DAB2IP: variants seen among roughly 807,000 people sequenced by gnomAD.
The protein encoded by DAB2IP is DAB2 interacting protein.
Under a neutral mutation model 107.2 loss-of-function variants are expected in DAB2IP, and 28 were observed. That is an observed-to-expected ratio of 0.26 (90% confidence interval 0.19 to 0.36). DAB2IP has a LOEUF of 0.36. Among genes scored for constraint, DAB2IP ranks in the 10% least tolerant of loss-of-function variants. DAB2IP has a pLI of 1.00. For missense variants in DAB2IP, 1,400 were observed against 1,644.7 expected (o/e 0.85, Z 2.57); for synonymous variants, 755 against 706.4 (o/e 1.07, Z -1.09).
chr9:121,609,516 TC>T (rs1564698586), intron 1 of DAB2IP, among the ~76,000 whole-genome samples: 1 of 152,196 alleles, frequency 6.6e-6, no homozygotes, highest in Admixed American at 6.5e-5. Flanking sequence ...CACTGATTGT[TC>T]CAGCAACACT....
At chr9:121,773,304 C>T in exon 12 of DAB2IP, 1 of 1,516,782 alleles carries the variant, frequency 6.6e-7, no homozygotes. Flanking sequence ...CCCACCCCCG[C>T]CGCCACCTCC....
At chr9:121,676,635 G>GCACACACACACA (rs35324441) in intron 1 of DAB2IP, among the ~76,000 whole-genome samples, 8,825 of 150,486 alleles carry the variant, frequency 0.059, 325 homozygotes, top group African/African-American at 0.1. Flanking sequence ...TTCTGCAGAC[G>GCACACACACACA]CACACACACA....
intron 8 of DAB2IP, 141 bp from the exon 9 acceptor site, chr9:121,766,353 T>C: frequency 2.7e-6 from 2 of 732,708 alleles, no homozygotes; most frequent in Non-Finnish European, 4.5e-6. Flanking sequence ...GATGGCTGTG[T>C]CCTCAGAGCT....
intron 3 of DAB2IP, among the ~76,000 whole-genome samples, chr9:121,755,498 A>G (rs1374046405): frequency 6.6e-6 from 1 of 152,164 alleles, no homozygotes; most frequent in Non-Finnish European, 1.5e-5. Flanking sequence ...GTGGAGAGGC[A>G]GAGGGAGCCG....
intron 1 of DAB2IP, among the ~76,000 whole-genome samples, chr9:121,641,860 C>T (rs1031606490): frequency 1.4e-5 from 2 of 144,338 alleles, no homozygotes; most frequent in Admixed American, 6.9e-5. Flanking sequence ...TTCTTTCTTT[C>T]TTTTCTTTCT....
intron 3 of DAB2IP, chr9:121,742,991 T>TG (rs890549678): frequency 1.0e-6 from 1 of 985,354 alleles, no homozygotes. Context: ...GTGGAGCAGT[T>TG]GGGGCCTGTG....
intron 3 of DAB2IP, among the ~76,000 whole-genome samples, chr9:121,744,451 CAG>C (rs1180506397): frequency 1.3e-5 from 2 of 152,228 alleles, no homozygotes; most frequent in Non-Finnish European, 2.9e-5. Flanking sequence ...AGCCAAGTCT[CAG>C]TGCAGGTTGG....
At chr9:121,676,638 C>CACACACACACACACACAT (rs1200910985) in intron 1 of DAB2IP, among the ~76,000 whole-genome samples, 1 of 150,792 alleles carries the variant, frequency 6.6e-6, no homozygotes, top group Non-Finnish European at 1.5e-5. Flanking sequence ...TGCAGACGCA[C>CACACACACACACACACAT]ACACACACAC....
intron 1 of DAB2IP, among the ~76,000 whole-genome samples, chr9:121,611,796 G>C (rs182857918): frequency 6.6e-6 from 1 of 152,102 alleles, no homozygotes; most frequent in Non-Finnish European, 1.5e-5. Context: ...TGTTTGCCAG[G>C]GTGGTCTCAA....
In DAB2IP at chr9:121,782,631, C is replaced by T. The variant is rs866304271; in HGVS notation, c.*133C>T. ...CAGGAGGCCGAGCCTCCCCTCCCTGCCGCTGTCCAGGAGGCGGCCGCAGAG... is the reference window on the plus strand; with the variant it reads ...CAGGAGGCCGAGCCTCCCCTCCCTGTCGCTGTCCAGGAGGCGGCCGCAGAG... On this transcript the variant is annotated 3_prime_UTR_variant, in exon 16 of 16. Transcript: ENST00000408936. The surrounding 1 kb of genome is among the most constrained non-coding windows in gnomAD (Gnocchi z 6.1). 1.5e-5 allele frequency: 22 copies of T among 1,499,714 alleles called. 1 individual carries two copies. The highest frequency in any genetic ancestry group is 3.9e-4 in the Middle Eastern group (2 of 5,154). The allele number at this position is 1,499,714 out of a possible 1,614,324, so 92.9% of individuals were successfully genotyped here. A position where few individuals can be genotyped will look rare whatever the true frequency, so the allele number is the denominator to read the frequency against.
At chr9:121,754,452 A>G (rs985839739) in intron 3 of DAB2IP, among the ~76,000 whole-genome samples, 1 of 151,830 alleles carries the variant, frequency 6.6e-6, no homozygotes, top group African/African-American at 2.4e-5. Context: ...CCCTGCCCCT[A>G]TTCCTCTTCC....
chr9:121,750,203 A>G (rs1291406892), intron 3 of DAB2IP, among the ~76,000 whole-genome samples: 2 of 152,228 alleles, frequency 1.3e-5, no homozygotes, highest in Admixed American at 6.5e-5. Flanking sequence ...CCAAGGTTGT[A>G]TATTTCATAA....
intron 9 of DAB2IP, 47 bp downstream of exon 9, chr9:121,766,777 C>G: frequency 6.3e-7 from 1 of 1,591,570 alleles, no homozygotes. Context: ...GGGCTGGTGT[C>G]CACAGGGCAG....
At chr9:121,636,168 A>G (rs1391123156) in intron 1 of DAB2IP, among the ~76,000 whole-genome samples, 1 of 151,998 alleles carries the variant, frequency 6.6e-6, no homozygotes, top group Non-Finnish European at 1.5e-5. Context: ...TCGGCCTCCC[A>G]AAGTGCTAGG....
intron 3 of DAB2IP, chr9:121,752,118 G>C (rs1043579233): frequency 1.3e-6 from 1 of 781,892 alleles, no homozygotes; most frequent in East Asian, 1.3e-4. Context: ...TGAGAGGGAT[G>C]GGGGAAGCGG....
At chr9:121,688,324 A>T (rs1369218896) in intron 2 of DAB2IP, among the ~76,000 whole-genome samples, 1 of 152,210 alleles carries the variant, frequency 6.6e-6, no homozygotes, top group Non-Finnish European at 1.5e-5. Flanking sequence ...TCTGTTTCTA[A>T]CACAAGGCTC....
chr9:121,756,906 AG>A lies in DAB2IP; in HGVS notation c.363-106del. On this transcript the variant is annotated intron_variant, in intron 3 of 15. Coordinates refer to ENST00000408936, the Ensembl canonical transcript of DAB2IP. The stretch of plus-strand genomic sequence containing the variant: ...ACAGAAAGGAGAGAGAGTGGAGAGG[AG>A]TGGCTGCCTGCTGGAAGGGGCACGG... 5 of 1,427,944 alleles carry A rather than the reference AG, an allele frequency of 3.5e-6. 1 individual carries two copies. In the South Asian group the frequency reaches 5.8e-5, roughly 17 times the overall value. The allele number at this position is 1,427,944 out of a possible 1,614,324, so 88.5% of individuals were successfully genotyped here. A position where few individuals can be genotyped will look rare whatever the true frequency, so the allele number is the denominator to read the frequency against.
intron 3 of DAB2IP, among the ~76,000 whole-genome samples, chr9:121,741,842 G>C (rs1169605312): frequency 6.6e-6 from 1 of 150,506 alleles, no homozygotes; most frequent in Admixed American, 6.6e-5. Context: ...GTATCCTCTC[G>C]GCAATCCTAT....
intron 2 of DAB2IP, among the ~76,000 whole-genome samples, chr9:121,697,934 C>T (rs1829509336): frequency 6.6e-6 from 1 of 152,186 alleles, no homozygotes; most frequent in African/African-American, 2.4e-5. Flanking sequence ...CCTGTCTGAG[C>T]AAGCTTCTTC....
Sources: gnomAD v4.1 joint callset for allele counts (sites outside exome capture counted in the v4.1 genomes callset) on GRCh38, gnomAD v4.1.1 for gene constraint, Gnocchi (gnomAD v3.1) non-coding constraint, MANE v1.5 for transcripts, NCBI Gene and HGNC (gene_info 2026-07-23, HGNC 2026-07-21) for gene names.